GABRB2: variants seen among roughly 807,000 people sequenced by gnomAD.
The protein encoded by GABRB2 is gamma-aminobutyric acid receptor subunit beta-2.
In GABRB2, 16 loss-of-function variants were observed where a neutral mutation model predicts 54.7. The observed-to-expected ratio is 0.29, with a 90% CI of 0.20 to 0.44. The LOEUF is 0.44. Among genes scored for constraint, GABRB2 ranks in the 20% least tolerant of loss-of-function variants. The pLI, the probability that GABRB2 is intolerant of heterozygous loss-of-function variation, is 1.00. For synonymous variants in GABRB2, 244 were observed against 233.8 expected (o/e 1.04, Z -0.40); for missense variants, 355 against 644.0 (o/e 0.55, Z 4.86).
At chr5:161,533,355 A>G (rs1242934641) in intron 3 of GABRB2, among the ~76,000 whole-genome samples, 1 of 152,172 alleles carries the variant, frequency 6.6e-6, no homozygotes, top group Non-Finnish European at 1.5e-5. Flanking sequence ...AAACTCACAG[A>G]TATCTAATTA....
At position 161,410,377 on chromosome 5, in the gene GABRB2, G is replaced by T. The variant is rs1044732816; in HGVS notation, c.541+598C>A. ...GCACATTGCAAAACAAGTCAGCACA[G>T]TAAACAGAATTCTCACACACACACA... is the stretch of plus-strand genomic sequence containing the variant. On this transcript the variant is annotated intron_variant, in intron 5 of 9. Coordinates refer to ENST00000393959, the MANE Select transcript of GABRB2 (RefSeq NM_001371727.1). 2.4e-5 allele frequency among the ~76,000 whole-genome samples: 3 copies of T among 124,600 alleles called. No individual in the cohort carries two copies. The Admixed American group carries it at 2.6e-4, about 11-fold the overall frequency. The allele number at this position is 124,600 out of a possible 152,430, so 81.7% of individuals were successfully genotyped here. A position where few individuals can be genotyped will look rare whatever the true frequency, so the allele number is the denominator to read the frequency against.
At chr5:161,441,044 T>C (rs1470962288) in intron 4 of GABRB2, among the ~76,000 whole-genome samples, 1 of 152,136 alleles carries the variant, frequency 6.6e-6, no homozygotes, top group Non-Finnish European at 1.5e-5. Flanking sequence ...CTCCAAGACA[T>C]TGGTCTGGGC....
chr5:161,353,429 T>C (rs1376353190), intron 5 of GABRB2, among the ~76,000 whole-genome samples: 1 of 152,094 alleles, frequency 6.6e-6, no homozygotes, highest in Admixed American at 6.6e-5. Context: ...TCCTTCCACA[T>C]TGGTTATTGA....
intron 3 of GABRB2, among the ~76,000 whole-genome samples, chr5:161,467,185 GTTC>G (rs955786069): frequency 6.6e-6 from 1 of 152,052 alleles, no homozygotes; most frequent in Non-Finnish European, 1.5e-5. Context: ...TGCTTGTTGA[GTTC>G]TTCTAGATAA....
intron 3 of GABRB2, among the ~76,000 whole-genome samples, chr5:161,479,835 G>T (rs907623490): frequency 6.6e-6 from 1 of 151,906 alleles, no homozygotes; most frequent in Non-Finnish European, 1.5e-5. Context: ...TGATCCACCC[G>T]CCTCAGCCTC....
At chr5:161,500,326 T>C (rs1253594028) in intron 3 of GABRB2, among the ~76,000 whole-genome samples, 3 of 152,158 alleles carry the variant, frequency 2.0e-5, no homozygotes, top group Non-Finnish European at 2.9e-5. Context: ...TGCTTTTTTT[T>C]CCACCCACAT....
chr5:161,460,982 T>C (rs1758105483), intron 3 of GABRB2, among the ~76,000 whole-genome samples: 1 of 152,058 alleles, frequency 6.6e-6, no homozygotes, highest in Non-Finnish European at 1.5e-5. Context: ...CTAAGATAAA[T>C]AGACAGGCTT....
At chr5:161,536,746 C>A (rs1760649482) in intron 3 of GABRB2, among the ~76,000 whole-genome samples, 1 of 152,074 alleles carries the variant, frequency 6.6e-6, no homozygotes, top group South Asian at 2.1e-4. Context: ...TACAGGCATG[C>A]ACCACCACGC....
chr5:161,533,952 CAATGTT>C (rs1228805590), intron 3 of GABRB2, among the ~76,000 whole-genome samples: 1 of 152,054 alleles, frequency 6.6e-6, no homozygotes, highest in African/African-American at 2.4e-5. Context: ...AGTGAAAACA[CAATGTT>C]AATGAAGTGA....
chr5:161,447,977 T>C (rs1361673747), intron 4 of GABRB2, among the ~76,000 whole-genome samples: 1 of 152,144 alleles, frequency 6.6e-6, no homozygotes, highest in Non-Finnish European at 1.5e-5. Flanking sequence ...GAATAGCTAT[T>C]GGTCCAGTAC....
At chr5:161,545,817 G>C (rs1398914265) in intron 2 of GABRB2, among the ~76,000 whole-genome samples, 27 of 152,092 alleles carry the variant, frequency 1.8e-4, no homozygotes, top group Non-Finnish European at 1.5e-5. Context: ...CCATCCCCCA[G>C]TCCTCCCCAT....
chr5:161,385,571 T>G lies in GABRB2; in HGVS notation c.541+25404A>C, dbSNP rs138096038. 2.0e-5 allele frequency among the ~76,000 whole-genome samples: 3 copies of G among 152,240 alleles called. No individual in the cohort carries two copies. In the East Asian group the frequency reaches 5.8e-4, roughly 29 times the overall value. ...CCCTTAGCTTGTTAGCATTTTGTGGTTTAAGAATCACTATATTCATAAAAT... is the reference window on the plus strand; with the variant it reads ...CCCTTAGCTTGTTAGCATTTTGTGGGTTAAGAATCACTATATTCATAAAAT... On this transcript the variant is annotated intron_variant, in intron 5 of 9. Transcript: ENST00000393959.
At chr5:161,352,395 T>C (rs1336616066) in intron 5 of GABRB2, among the ~76,000 whole-genome samples, 1 of 151,984 alleles carries the variant, frequency 6.6e-6, no homozygotes, top group Non-Finnish European at 1.5e-5. Flanking sequence ...AAAAATCCTG[T>C]CATTTGCGAC....
intron 9 of GABRB2, among the ~76,000 whole-genome samples, chr5:161,315,525 T>C (rs984125559): frequency 2.6e-5 from 4 of 152,222 alleles, no homozygotes; most frequent in Non-Finnish European, 4.4e-5. Flanking sequence ...ATGAAAATGA[T>C]ATCAGGACCC....
intron 4 of GABRB2, among the ~76,000 whole-genome samples, chr5:161,445,654 C>T (rs1345735964): frequency 2.6e-5 from 4 of 152,114 alleles, no homozygotes; most frequent in African/African-American, 9.7e-5. Context: ...GATAAAACCT[C>T]GGTGTTGAAA....
chr5:161,377,651 C>T (rs1484715807), intron 5 of GABRB2, among the ~76,000 whole-genome samples: 1 of 152,042 alleles, frequency 6.6e-6, no homozygotes, highest in Non-Finnish European at 1.5e-5. Context: ...TTACTTTAAA[C>T]TGGAAAGCAA....
rs144892470 is a variant in GABRB2 at position 161,399,362 on chromosome 5, C to T, written c.541+11613G>A. On this transcript the variant is annotated intron_variant, in intron 5 of 9. Coordinates refer to ENST00000393959, the MANE Select transcript of GABRB2 (RefSeq NM_001371727.1). The stretch of plus-strand genomic sequence containing the variant: ...GCTCACGTTTTTCTATGGTTCTAAA[C>T]GTGATCCAGACTCCGCCAGTCAGAT... Among the ~76,000 whole-genome samples the T allele has an allele frequency of 1.1e-4, 16 of 152,188 alleles. No individual in the cohort carries two copies. The East Asian group carries it at 1.7e-3, about 17-fold the overall frequency.
intron 4 of GABRB2, among the ~76,000 whole-genome samples, chr5:161,414,323 CAA>C (rs1052763564): frequency 1.5e-4 from 23 of 152,208 alleles, no homozygotes; most frequent in Admixed American, 1.2e-3. Context: ...TGTGATATAA[CAA>C]AAGTAGGAAT....
chr5:161,294,472 T>A (rs751823011), intron 9 of GABRB2, 44 bp from the exon 10 acceptor site: 2 of 1,539,062 alleles, frequency 1.3e-6, no homozygotes, highest in Non-Finnish European at 1.8e-6. Flanking sequence ...ACAATGAAGC[T>A]TTACAGGTGC....
Sources: allele counts gnomAD v4.1 joint callset (sites outside exome capture counted in the v4.1 genomes callset), GRCh38; gene constraint gnomAD v4.1.1; transcripts MANE v1.5; gene names NCBI Gene and HGNC (gene_info 2026-07-23, HGNC 2026-07-21).